RRP12: variants seen among roughly 807,000 people sequenced by gnomAD.
RRP12 encodes the protein RRP12-like protein.
RRP12 carries 78 observed loss-of-function variants against 157.3 expected under a neutral mutation model. The ratio of observed to expected loss-of-function variants is 0.50; its 90% confidence interval spans 0.41 to 0.60. The LOEUF (loss-of-function observed/expected upper bound fraction) is 0.60. RRP12 is among the 20% of genes least tolerant of loss of function. The pLI is 0.00. For synonymous variants in RRP12, 726 were observed against 670.9 expected (o/e 1.08, Z -1.27); for missense variants, 1,521 against 1,679.9 (o/e 0.91, Z 1.65).
chr10:97,396,118 T>C, intron 3 of RRP12, 100 bp downstream of exon 3: 1 of 837,070 alleles, frequency 1.2e-6, no homozygotes, highest in South Asian at 1.4e-5. Context: ...TGGTCAAGGT[T>C]GTCCTTCTCT....
chr10:97,357,140 C>A lies in RRP12; in HGVS notation c.3848G>T (p.Gly1283Val), dbSNP rs1326579972. 6.2e-7 allele frequency: 1 copy of A among 1,613,510 alleles called. No individual in the cohort carries two copies. Among genetic ancestry groups the A allele is most frequent in the African/African-American group, 1.3e-5 (1 of 74,904 alleles). ...FKGLVKAARR[G>V]SQVGHKNRRK... is the part of the protein sequence containing the mutation. Reference sequence around the variant, plus strand: ...GCGGTTTTTGTGTCCCACCTGGGAACCTCGCCGGGCAGCCTTCACCAGGCC... The same window carrying A: ...GCGGTTTTTGTGTCCCACCTGGGAAACTCGCCGGGCAGCCTTCACCAGGCC... The change falls in exon 34 of 34, where the codon GGT becomes GTT. Residue 1283 changes from glycine (G) to valine (V), a missense_variant. By Grantham distance (109) the Gly-to-Val change is moderately radical (BLOSUM62 -3). Transcript: ENST00000370992.
Position 97,373,190 on chromosome 10 carries a change from A to C in RRP12, c.2037T>G (p.Arg679=). The change falls in exon 18 of 34, where the codon CGT becomes CGG. Residue 679 remains arginine, a synonymous_variant. Coordinates refer to ENST00000370992, the MANE Select transcript of RRP12 (RefSeq NM_015179.4). ...ITKGCQAEAD[R]AEVSRFAKNF... is the part of the protein sequence containing the mutation. ...TCTTGGCAAAGCGACTCACTTCAGC[A>C]CGGTCAGCCTCTGGTAAAAGGATCA... is the stretch of plus-strand genomic sequence containing the variant. 1 of 1,614,164 alleles carries C rather than the reference A, an allele frequency of 6.2e-7. No individual in the cohort carries two copies. The highest frequency in any genetic ancestry group is 2.2e-5 in the East Asian group (1 of 44,880).
intron 3 of RRP12, 51 bp downstream of exon 3, chr10:97,396,167 C>T: frequency 1.5e-6 from 2 of 1,331,728 alleles, no homozygotes; most frequent in Middle Eastern, 3.7e-4. Flanking sequence ...CTCGCTAAAT[C>T]TTGCATAACC....
rs1844343872 is a variant in RRP12 at position 97,377,557 on chromosome 10, T to G, written c.1798+1736A>C. On this transcript the variant is annotated intron_variant, in intron 15 of 33. Coordinates refer to ENST00000370992, the MANE Select transcript of RRP12 (RefSeq NM_015179.4). Reference sequence around the variant, plus strand: ...GTGTCTGTGTTTCAATAAAATTGTATGTACAGGCTTGGCACAGTGGCTCAC... The same window carrying G: ...GTGTCTGTGTTTCAATAAAATTGTAGGTACAGGCTTGGCACAGTGGCTCAC... 2.0e-5 allele frequency among the ~76,000 whole-genome samples: 3 copies of G among 147,746 alleles called. No individual in the cohort carries two copies. In the Admixed American group the frequency reaches 2.0e-4, roughly 10 times the overall value.
Position 97,388,395 on chromosome 10 carries a change from G to A in RRP12, c.890-16C>T. On this transcript the variant is annotated splice_polypyrimidine_tract_variant and intron_variant, in intron 7 of 33. Coordinates refer to ENST00000370992, the MANE Select transcript of RRP12 (RefSeq NM_015179.4). ...TCCTTGGAGCCTGGTATACAGAAGAGGAATTGAGACACCAGCCCCGCCCTA... is the reference window on the plus strand; with the variant it reads ...TCCTTGGAGCCTGGTATACAGAAGAAGAATTGAGACACCAGCCCCGCCCTA... The A allele has an allele frequency of 1.2e-6, 2 of 1,613,420 alleles. No homozygotes were observed. Among genetic ancestry groups the A allele is most frequent in the East Asian group, 2.2e-5 (1 of 44,866 alleles).
In RRP12 at chr10:97,385,973, C is replaced by T; in HGVS notation, c.1038G>A (p.Met346Ile). ...LSHVLVTACAMQAFHSLFHAR... is the reference protein window; with the variant it reads ...LSHVLVTACAIQAFHSLFHAR... ...CGTGGAAGAGGCTGTGAAAGGCCTG[C>T]ATGGCACAGGCTGTCACCAGCTGGA... is the stretch of plus-strand genomic sequence containing the variant. The change falls in exon 9 of 34, where the codon ATG (methionine) becomes ATA (isoleucine). Residue 346 changes from methionine (M) to isoleucine (I), a missense_variant. Coordinates refer to ENST00000370992, the MANE Select transcript of RRP12 (RefSeq NM_015179.4). The T allele has an allele frequency of 6.2e-7, 1 of 1,600,710 alleles. No individual in the cohort carries two copies. The highest frequency in any genetic ancestry group is 8.5e-7 in the Non-Finnish European group (1 of 1,173,750).
chr10:97,364,518 A>C (rs554604214), intron 29 of RRP12, among the ~76,000 whole-genome samples: 2 of 152,356 alleles, frequency 1.3e-5, no homozygotes, highest in African/African-American at 4.8e-5. Context: ...CAGGAGTTCA[A>C]GACCAGTCTG....
At chr10:97,384,348 AG>A (rs1844555395) in intron 10 of RRP12, among the ~76,000 whole-genome samples, 1 of 149,958 alleles carries the variant, frequency 6.7e-6, no homozygotes, top group African/African-American at 2.5e-5. Context: ...TGCAGCCTGG[AG>A]GGAGGCCCTG....
intron 1 of RRP12, 49 bp from the exon 2 acceptor site, chr10:97,400,583 A>T (rs903722773): frequency 5.4e-6 from 8 of 1,489,764 alleles, no homozygotes; most frequent in Non-Finnish European, 7.4e-6. Context: ...TTTGGTCAAG[A>T]GAACAGAACA....
intron 25 of RRP12, among the ~76,000 whole-genome samples, chr10:97,368,445 C>T (rs1274702190): frequency 6.6e-6 from 1 of 152,112 alleles, no homozygotes; most frequent in Non-Finnish European, 1.5e-5. Context: ...GCAACATCCG[C>T]CTCCCAGGTT....
intron 24 of RRP12, among the ~76,000 whole-genome samples, 172 bp downstream of exon 24, chr10:97,369,995 C>T (rs548069425): frequency 7.2e-5 from 11 of 152,270 alleles, no homozygotes; most frequent in South Asian, 2.1e-4. Flanking sequence ...GCCGCAAGGG[C>T]GGGAGGCAGC....
intron 2 of RRP12, among the ~76,000 whole-genome samples, chr10:97,397,250 TC>T (rs1844991542): frequency 6.6e-6 from 1 of 150,856 alleles, no homozygotes; most frequent in African/African-American, 2.4e-5. Context: ...AGCTTCCACC[TC>T]CCGGGTTCAA....
At chr10:97,385,865 A>T in intron 9 of RRP12, 30 bp downstream of exon 9, 1 of 1,506,544 alleles carries the variant, frequency 6.6e-7, no homozygotes, top group Non-Finnish European at 9.1e-7. Context: ...CCCCGACCTA[A>T]TGCCCCCACA....
At position 97,381,708 on chromosome 10, in the gene RRP12, G is replaced by A. The variant is rs374184628; in HGVS notation, c.1320+7C>T. 44 of 1,606,548 alleles carry A rather than the reference G, an allele frequency of 2.7e-5. No individual in the cohort carries two copies. The highest frequency in any genetic ancestry group is 3.0e-5 in the Non-Finnish European group (35 of 1,173,228). ...GCTCTCTGCTTCCTCAGCTAAAGTT[G>A]CAGTACCTTGAGGCTCTGCGTAGCA... is the stretch of plus-strand genomic sequence containing the variant. On this transcript the variant is annotated splice_region_variant and intron_variant, in intron 11 of 33. Transcript: ENST00000370992.
chr10:97,400,408 TC>T lies in RRP12; in HGVS notation c.265del (p.Glu89ArgfsTer8). On this transcript the variant is annotated frameshift_variant, in exon 2 of 34. Transcript: ENST00000370992. LOFTEE classifies it high-confidence loss of function. ...ACTCAGGAAGGTACCCGAGGACTTC[TC>T]GGTGAGAACCAGCTCCGCCTCTTCT... is the stretch of plus-strand genomic sequence containing the variant. ...MEEEAELVLT[E>X]KSSGTFLSGL... The T allele has an allele frequency of 6.2e-7, 1 of 1,614,100 alleles. No homozygotes were observed.
intron 10 of RRP12, among the ~76,000 whole-genome samples, chr10:97,384,483 C>A (rs946694986): frequency 7.4e-6 from 1 of 135,670 alleles, no homozygotes; most frequent in African/African-American, 2.8e-5. Context: ...AGGATTCCCC[C>A]ACTTTGGCAG....
In RRP12 at chr10:97,358,583, C is replaced by T. The variant is rs761971986; in HGVS notation, c.3745G>A (p.Asp1249Asn). The T allele has an allele frequency of 6.2e-6, 10 of 1,613,936 alleles. No individual in the cohort carries two copies. Among genetic ancestry groups the T allele is most frequent in the Middle Eastern group, 3.3e-4 (2 of 6,084 alleles). ...KGDVKKKGRP[D>N]PYAYIPLNRS... ...TTGAGGGGGATGTAGGCATAGGGAT[C>T]CGGCCGGCCTTTCTTCTTCACATCA... Residue 1249 changes from aspartate (D) to asparagine (N), a missense_variant, in exon 33 of 34, where the codon GAT becomes AAT. By Grantham distance (23) the Asp-to-Asn change is conservative (BLOSUM62 1). Transcript: ENST00000370992.
chr10:97,373,731 T>C lies in RRP12; in HGVS notation c.1870A>G (p.Thr624Ala), dbSNP rs201651590. Residue 624 changes from threonine to alanine, a missense_variant, in exon 17 of 34, where the codon ACA (threonine) becomes GCA (alanine). Coordinates refer to ENST00000370992, the MANE Select transcript of RRP12 (RefSeq NM_015179.4). ...IYDTLQWQMW[T>A]LLPGFCTRPT... Reference sequence around the variant, plus strand: ...CTTGTGCAGAACCCAGGCAGGAGTGTCCACATCTGGAGAAGGAGGGGACAA... The same window carrying C: ...CTTGTGCAGAACCCAGGCAGGAGTGCCCACATCTGGAGAAGGAGGGGACAA... 2.5e-6 allele frequency: 4 copies of C among 1,612,520 alleles called. No homozygotes were observed. In the African/African-American group the frequency reaches 4.0e-5, roughly 16 times the overall value.
intron 4 of RRP12, among the ~76,000 whole-genome samples, chr10:97,391,649 C>G (rs538045220): frequency 4.3e-4 from 65 of 149,646 alleles, no homozygotes; most frequent in Non-Finnish European, 5.3e-4. Flanking sequence ...CGGCCGGACG[C>G]AGTGGCTCAC....
Sources: allele counts gnomAD v4.1 joint callset (sites outside exome capture counted in the v4.1 genomes callset), GRCh38; gene constraint gnomAD v4.1.1; transcripts MANE v1.5; gene names NCBI Gene and HGNC (gene_info 2026-07-23, HGNC 2026-07-21).